The following WWOX variants were observed in gnomAD, a reference collection of about 807,000 sequenced individuals.
WWOX encodes WW domain containing oxidoreductase, also known as WW domain-containing oxidoreductase.
Under a neutral mutation model 46.2 loss-of-function variants are expected in WWOX, and 69 were observed. The observed-to-expected ratio is 1.49, with a 90% CI of 1.23 to 1.82. WWOX has a LOEUF of 1.82. Ranked by LOEUF, WWOX falls within the 40% of genes most tolerant of loss-of-function variation. The probability of loss-of-function intolerance (pLI) is 0.00; values close to 1 mark genes in which losing one functional copy is unlikely to be tolerated. For synonymous variants in WWOX, 359 were observed against 202.6 expected (o/e 1.77, Z -6.56); for missense variants, 919 against 542.6 (o/e 1.69, Z -6.89).
intron 8 of WWOX, among the ~76,000 whole-genome samples, chr16:78,500,889 C>T (rs373616056): frequency 7.2e-5 from 11 of 152,176 alleles, no homozygotes; most frequent in Non-Finnish European, 1.6e-4. Flanking sequence ...AAAGAAGTTC[C>T]AAAAGAATTC....
intron 6 of WWOX, among the ~76,000 whole-genome samples, chr16:78,410,091 C>G (rs906839415): frequency 6.6e-5 from 10 of 152,162 alleles, no homozygotes; most frequent in Admixed American, 5.2e-4. Flanking sequence ...AGTGAGTTCA[C>G]ATGATATCTG....
chr16:78,722,827 G>A (rs1251033926), intron 8 of WWOX, among the ~76,000 whole-genome samples: 1 of 151,510 alleles, frequency 6.6e-6, no homozygotes, highest in Non-Finnish European at 1.5e-5. Flanking sequence ...GATTGCTTGA[G>A]CCCAGTAGTT....
At chr16:79,198,331 C>G (rs1261688496) in intron 8 of WWOX, among the ~76,000 whole-genome samples, 1 of 151,838 alleles carries the variant, frequency 6.6e-6, no homozygotes, top group Non-Finnish European at 1.5e-5. Flanking sequence ...GACAGACTGT[C>G]TCAAAAAAAG....
At chr16:78,608,442 G>T (rs1464713893) in intron 8 of WWOX, among the ~76,000 whole-genome samples, 1 of 152,230 alleles carries the variant, frequency 6.6e-6, no homozygotes, top group South Asian at 2.1e-4. Flanking sequence ...GCCCCAGGCA[G>T]AGTGGAAGTT....
In WWOX at chr16:78,144,466, C is replaced by CATATATAT. The variant is rs1567596354; in HGVS notation, c.410-19716_410-19715insTATATATA. On this transcript the variant is annotated intron_variant, in intron 4 of 8. Coordinates refer to ENST00000566780, the MANE Select transcript of WWOX (RefSeq NM_016373.4). ...ATATATACACATATATATATATACA[C>CATATATAT]ACATATATATATATATATATACACA... is the stretch of plus-strand genomic sequence containing the variant. 6.3e-4 allele frequency among the ~76,000 whole-genome samples: 9 copies of CATATATAT among 14,364 alleles called. 1 individual carries two copies. Among genetic ancestry groups the CATATATAT allele is most frequent in the African/African-American group, 2.1e-3 (9 of 4,350 alleles). The allele number at this position is 14,364 out of a possible 152,430, so 9.4% of individuals were successfully genotyped here. A position where few individuals can be genotyped will look rare whatever the true frequency, so the allele number is the denominator to read the frequency against.
chr16:78,589,396 G>C (rs1379538948), intron 8 of WWOX, among the ~76,000 whole-genome samples: 1 of 152,200 alleles, frequency 6.6e-6, no homozygotes, highest in African/African-American at 2.4e-5. Flanking sequence ...TTTCTACCTT[G>C]TTGGTATCCG....
intron 8 of WWOX, among the ~76,000 whole-genome samples, chr16:78,952,399 TG>T (rs2046079208): frequency 6.6e-6 from 1 of 151,580 alleles, no homozygotes; most frequent in South Asian, 2.1e-4. Context: ...TTTTTTTTTT[TG>T]AGACAAAAGT....
At chr16:79,149,038 T>G (rs2050230887) in intron 8 of WWOX, among the ~76,000 whole-genome samples, 1 of 151,970 alleles carries the variant, frequency 6.6e-6, no homozygotes, top group African/African-American at 2.4e-5. Flanking sequence ...TTTTATTGCC[T>G]TATTGTAGTG....
At position 79,152,242 on chromosome 16, in the gene WWOX, G is replaced by A. The variant is rs776746169; in HGVS notation, c.1057-59366G>A. 7.9e-5 allele frequency among the ~76,000 whole-genome samples: 12 copies of A among 152,202 alleles called. 1 individual carries two copies. Among genetic ancestry groups the A allele is most frequent in the Non-Finnish European group, 1.5e-4 (10 of 68,026 alleles). ...GCTGACCCATGCTGGCAGAACGGGT[G>A]ATGGATGAGGCAGAGAAGGGTACAG... On this transcript the variant is annotated intron_variant, in intron 8 of 8. Coordinates refer to ENST00000566780, the MANE Select transcript of WWOX (RefSeq NM_016373.4).
chr16:78,784,741 G>A (rs891817613), intron 8 of WWOX, among the ~76,000 whole-genome samples: 1 of 152,126 alleles, frequency 6.6e-6, no homozygotes, highest in African/African-American at 2.4e-5. Context: ...GAGCCTGGTG[G>A]GCAGTCTGGA....
At chr16:79,193,746 T>G (rs1383582063) in intron 8 of WWOX, among the ~76,000 whole-genome samples, 3 of 152,168 alleles carry the variant, frequency 2.0e-5, no homozygotes, top group Admixed American at 6.5e-5. Flanking sequence ...AAAAACAATT[T>G]AGGATACCTG....
At chr16:78,326,566 G>GCCC (rs1388904234) in intron 5 of WWOX, among the ~76,000 whole-genome samples, 20 of 22,700 alleles carry the variant, frequency 8.8e-4, no homozygotes, top group African/African-American at 3.0e-3. Flanking sequence ...ATTTCTGCCT[G>GCCC]CCCTCCCCCC....
At chr16:78,532,884 A>G (rs538926395) in intron 8 of WWOX, among the ~76,000 whole-genome samples, 1 of 152,180 alleles carries the variant, frequency 6.6e-6, no homozygotes, top group African/African-American at 2.4e-5. Context: ...ACACAGCCAA[A>G]CCATATCAAA....
At chr16:78,405,327 AAATT>A (rs751775646) in intron 6 of WWOX, among the ~76,000 whole-genome samples, 124 of 152,334 alleles carry the variant, frequency 8.1e-4, no homozygotes, top group Admixed American at 2.2e-3. Flanking sequence ...AAATAAAAAA[AAATT>A]AATTAAATGT....
chr16:78,311,942 C>G (rs1220973428), intron 5 of WWOX, among the ~76,000 whole-genome samples: 1 of 152,140 alleles, frequency 6.6e-6, no homozygotes, highest in East Asian at 1.9e-4. Flanking sequence ...GAGCTGTGTT[C>G]TTTTGGATAC....
At chr16:78,325,748 T>C (rs976481671) in intron 5 of WWOX, among the ~76,000 whole-genome samples, 40 of 152,232 alleles carry the variant, frequency 2.6e-4, no homozygotes, top group African/African-American at 6.8e-4. Flanking sequence ...ACTGCTGATA[T>C]ATTAGCCTTG....
At chr16:79,068,459 T>C (rs1170026449) in intron 8 of WWOX, among the ~76,000 whole-genome samples, 2 of 152,046 alleles carry the variant, frequency 1.3e-5, no homozygotes, top group Non-Finnish European at 2.9e-5. Flanking sequence ...CACAATCATA[T>C]GTTCACGTGC....
At chr16:78,518,077 T>C (rs2043276409) in intron 8 of WWOX, among the ~76,000 whole-genome samples, 1 of 152,072 alleles carries the variant, frequency 6.6e-6, no homozygotes, top group Admixed American at 6.5e-5. Context: ...AGTTTCCCCA[T>C]CTGTTGGATC....
intron 8 of WWOX, among the ~76,000 whole-genome samples, chr16:78,766,245 C>T (rs1385040593): frequency 3.9e-5 from 6 of 152,198 alleles, no homozygotes; most frequent in South Asian, 2.1e-4. Flanking sequence ...AATCACCTAG[C>T]GCTGGTAGAA....
Sources: gnomAD v4.1 joint callset for allele counts (sites outside exome capture counted in the v4.1 genomes callset) on GRCh38, gnomAD v4.1.1 for gene constraint, MANE v1.5 for transcripts, NCBI Gene and HGNC (gene_info 2026-07-23, HGNC 2026-07-21) for gene names.